Variants in SCAP observed in about 807,000 individuals in gnomAD.
SCAP encodes the protein sterol regulatory element-binding protein cleavage-activating protein.
Under a neutral mutation model 123.6 loss-of-function variants are expected in SCAP, and 65 were observed. That is an observed-to-expected ratio of 0.53 (90% CI 0.43 to 0.65). The LOEUF is 0.65. SCAP is among the 30% of genes least tolerant of loss of function. The pLI, the probability that SCAP is intolerant of heterozygous loss-of-function variation, is 0.00. For missense variants in SCAP, 1,398 were observed against 1,712.5 expected (o/e 0.82, Z 3.24); for synonymous variants, 740 against 726.3 (o/e 1.02, Z -0.30).
Position 47,414,403 on chromosome 3 carries a change from G to A in SCAP, c.3388-17C>T. The A allele has an allele frequency of 6.2e-7, 1 of 1,611,714 alleles. No homozygotes were observed. Among genetic ancestry groups the A allele is most frequent in the Non-Finnish European group, 8.5e-7 (1 of 1,179,618 alleles). ...CACCATGGTCTGGGGAAACAGGCCA[G>A]GGGAGTGGGGTCACCATGGTGTAAT... On this transcript the variant is annotated splice_polypyrimidine_tract_variant and intron_variant, in intron 21 of 22. Transcript: ENST00000265565.
In SCAP at chr3:47,474,606, G is replaced by A. The variant is rs191431911; in HGVS notation, c.-99+1193C>T. 2.2e-4 allele frequency among the ~76,000 whole-genome samples: 33 copies of A among 152,232 alleles called. No individual in the cohort carries two copies. The East Asian group carries it at 3.1e-3, about 14-fold the overall frequency. ...GCCCAGGAGTTAAAGACCAGCCTGG[G>A]CAACACAGCAAGACCCCCATCTCTA... On this transcript the variant is annotated intron_variant, in intron 1 of 22. Coordinates refer to ENST00000265565, the MANE Select transcript of SCAP (RefSeq NM_012235.4).
At chr3:47,446,774 C>CAA (rs1365149756) in intron 1 of SCAP, among the ~76,000 whole-genome samples, 2 of 138,220 alleles carry the variant, frequency 1.4e-5, no homozygotes, top group Non-Finnish European at 3.2e-5. Flanking sequence ...CGTGTCTTTA[C>CAA]AAAAAAAAAA....
intron 1 of SCAP, among the ~76,000 whole-genome samples, chr3:47,471,752 C>T (rs1470260608): frequency 1.3e-5 from 2 of 152,012 alleles, no homozygotes; most frequent in Non-Finnish European, 2.9e-5. Context: ...ATCATGAATG[C>T]CCAACAACAA....
intron 1 of SCAP, chr3:47,443,293 CT>C (rs1248887626): frequency 2.5e-4 from 52 of 206,484 alleles, no homozygotes; most frequent in Admixed American, 2.0e-3. Context: ...CTCTCTCTCT[CT>C]CTCTCTCTCT....
At chr3:47,458,647 C>T (rs1370369308) in intron 1 of SCAP, among the ~76,000 whole-genome samples, 3 of 152,278 alleles carry the variant, frequency 2.0e-5, no homozygotes, top group Admixed American at 1.3e-4. Context: ...CAAATAACCA[C>T]GTGCATAATG....
Position 47,418,702 on chromosome 3 carries a change from G to A in SCAP, c.2082C>T (p.Pro694=), listed in dbSNP as rs777204979. Residue 694 remains proline, a synonymous_variant, in exon 14 of 23, where the codon CCC becomes CCT. Transcript: ENST00000265565. Reference sequence around the variant, plus strand: ...GGGCCTGCACCCCACCTGGGCCCTTGGGTCCTGCTTCCCAGTGCCCAGCAG... The same window carrying A: ...GGGCCTGCACCCCACCTGGGCCCTTAGGTCCTGCTTCCCAGTGCCCAGCAG... ...PIPAGHWEAG[P]KGPGGVQAHG... is the part of the protein sequence containing the mutation. 3 of 1,602,470 alleles carry A rather than the reference G, an allele frequency of 1.9e-6. No individual in the cohort carries two copies. The highest frequency in any genetic ancestry group is 3.5e-5 in the Admixed American group (2 of 57,714).
chr3:47,421,238 CTT>C, intron 10 of SCAP: 1 of 596,928 alleles, frequency 1.7e-6, no homozygotes, highest in Non-Finnish European at 3.0e-6. Flanking sequence ...AACCCTCACA[CTT>C]TCTTCAGAAA....
intron 1 of SCAP, among the ~76,000 whole-genome samples, chr3:47,459,320 C>T (rs776231507): frequency 3.3e-5 from 5 of 152,304 alleles, no homozygotes; most frequent in African/African-American, 1.2e-4. Context: ...CTGCAAGAAG[C>T]GTGCTTTGCT....
chr3:47,458,410 C>G (rs918571125), intron 1 of SCAP, among the ~76,000 whole-genome samples: 1 of 152,102 alleles, frequency 6.6e-6, no homozygotes, highest in African/African-American at 2.4e-5. Context: ...GCCTGGGCAA[C>G]AGGGGCAAAA....
intron 1 of SCAP, among the ~76,000 whole-genome samples, chr3:47,453,320 A>C (rs760796692): frequency 2.0e-5 from 3 of 151,604 alleles, no homozygotes; most frequent in Non-Finnish European, 2.9e-5. Context: ...AGATGGGAGG[A>C]TTGCTTGAGC....
At chr3:47,474,048 G>A (rs1708171743) in intron 1 of SCAP, among the ~76,000 whole-genome samples, 1 of 151,944 alleles carries the variant, frequency 6.6e-6, no homozygotes, top group African/African-American at 2.4e-5. Context: ...GACGGATCAT[G>A]AGGTCAGGAG....
chr3:47,426,152 C>T lies in SCAP; in HGVS notation c.755G>A (p.Arg252His), dbSNP rs1170241096. Reference sequence around the variant, plus strand: ...GGGGTGCAGAAGCATCAGGCGGGCACGCAGGCTGCCCAGGAACCTGGTCAA... The same window carrying T: ...GGGGTGCAGAAGCATCAGGCGGGCATGCAGGCTGCCCAGGAACCTGGTCAA... ...HYHAKFLGSL[R>H]ARLMLLHPSP... Residue 252 changes from arginine to histidine, a missense_variant, in exon 7 of 23, where the codon CGT becomes CAT. By Grantham distance (29) the Arg-to-His change is conservative. Coordinates refer to ENST00000265565, the MANE Select transcript of SCAP (RefSeq NM_012235.4). 7 of 1,613,250 alleles carry T rather than the reference C, an allele frequency of 4.3e-6. No homozygotes were observed. Among genetic ancestry groups the T allele is most frequent in the Non-Finnish European group, 5.1e-6 (6 of 1,179,770 alleles).
At position 47,419,561 on chromosome 3, in the gene SCAP, G is replaced by C; in HGVS notation, c.1707C>G (p.Pro569=). ...APMPVPSGML[P]PSHPDPAFSI... is the part of the protein sequence containing the mutation. ...AGAAGGCAGGGTCCGGGTGGCTGGGGGGCAGCATGCCACTAGGCACGGGCA... is the reference window on the plus strand; with the variant it reads ...AGAAGGCAGGGTCCGGGTGGCTGGGCGGCAGCATGCCACTAGGCACGGGCA... Residue 569 remains proline, a synonymous_variant, in exon 13 of 23, where the codon CCC becomes CCG. Transcript: ENST00000265565. This position sits in a 1 kb window ranked among gnomAD's most constrained non-coding sequence, Gnocchi z 5.0. 6.2e-7 allele frequency: 1 copy of C among 1,612,912 alleles called. No individual in the cohort carries two copies. The highest frequency in any genetic ancestry group is 8.5e-7 in the Non-Finnish European group (1 of 1,179,270).
intron 3 of SCAP, among the ~76,000 whole-genome samples, chr3:47,432,149 T>C (rs1706383928): frequency 6.6e-6 from 1 of 151,636 alleles, no homozygotes; most frequent in Admixed American, 6.6e-5. Context: ...AAACCCCGTC[T>C]CTACTAAAAT....
Position 47,418,213 on chromosome 3 carries a change from C to A in SCAP, c.2368G>T (p.Val790Leu), listed in dbSNP as rs1377658455. 1.3e-6 allele frequency: 2 copies of A among 1,574,146 alleles called. No individual in the cohort carries two copies. Among genetic ancestry groups the A allele is most frequent in the South Asian group, 1.2e-5 (1 of 86,042 alleles). Residue 790 changes from valine to leucine, a missense_variant, in exon 16 of 23, where the codon GTG becomes TTG. Physicochemically the swap from Val to Leu is conservative, Grantham distance 32. Around this residue, in one of 7 missense-constraint regions of SCAP, gnomAD observed 828 missense variants for 882.5 expected, o/e 0.94. Transcript: ENST00000265565. ...ACGTGGCCTGCCAGGCAGCAGCTCA[C>A]CAGCAGCATGCCGTCGCTGGCCAGG... is the stretch of plus-strand genomic sequence containing the variant. ...ECLASDGMLL[V>L]SCCLAGHVCV... is the part of the protein sequence containing the mutation.
At chr3:47,467,083 A>G (rs1012425637) in intron 1 of SCAP, among the ~76,000 whole-genome samples, 7 of 149,726 alleles carry the variant, frequency 4.7e-5, no homozygotes, top group African/African-American at 1.7e-4. Context: ...ACTGAGGGAG[A>G]CTCTGTCTTA....
At position 47,413,822 on chromosome 3, in the gene SCAP, C is replaced by T. The variant is rs997714386; in HGVS notation, c.*32G>A. ...GTGCATTGGCCCCCACACAGCACCC[C>T]AGCCTCCTGCCTGGGCAAGGAGGCC... On this transcript the variant is annotated 3_prime_UTR_variant, in exon 23 of 23. Coordinates refer to ENST00000265565, the MANE Select transcript of SCAP (RefSeq NM_012235.4). 3.1e-6 allele frequency: 5 copies of T among 1,601,236 alleles called. No individual in the cohort carries two copies. The African/African-American group carries it at 6.7e-5, about 21-fold the overall frequency.
chr3:47,446,756 T>C (rs1707060402), intron 1 of SCAP, among the ~76,000 whole-genome samples: 2 of 151,462 alleles, frequency 1.3e-5, no homozygotes, highest in South Asian at 4.2e-4. Context: ...GCCTGGACAC[T>C]GTGAGACCGT....
intron 1 of SCAP, among the ~76,000 whole-genome samples, chr3:47,462,260 C>A (rs1014070698): frequency 1.3e-5 from 2 of 152,118 alleles, no homozygotes; most frequent in African/African-American, 4.8e-5. Context: ...GCTAGGAGAT[C>A]AACTTTTTCT....
Sources: gnomAD v4.1 joint callset for allele counts (sites outside exome capture counted in the v4.1 genomes callset) on GRCh38, gnomAD v4.1.1 for gene constraint, gnomAD v4.1.1 regional missense constraint, Gnocchi (gnomAD v3.1) non-coding constraint, MANE v1.5 for transcripts, NCBI Gene and HGNC (gene_info 2026-07-23, HGNC 2026-07-21) for gene names.